The following RMDN2 variants were observed in gnomAD, a reference collection of about 807,000 sequenced individuals.
RMDN2 encodes regulator of microtubule dynamics protein 2.
RMDN2 carries 61 observed loss-of-function variants against 52.8 expected under a neutral mutation model. The observed-to-expected ratio is 1.16, with a 90% CI of 0.94 to 1.43. The LOEUF (loss-of-function observed/expected upper bound fraction) is 1.43. RMDN2 is among the 40% of genes most tolerant of loss of function. The probability of loss-of-function intolerance (pLI) is 0.00; values close to 1 mark genes in which losing one functional copy is unlikely to be tolerated. For synonymous variants in RMDN2, 180 were observed against 153.1 expected (o/e 1.18, Z -1.30); for missense variants, 592 against 475.3 (o/e 1.25, Z -2.28).
downstream of RMDN2, among the ~76,000 whole-genome samples, chr2:38,022,398 T>A (rs547079559): frequency 6.6e-6 from 1 of 152,322 alleles, no homozygotes; most frequent in African/African-American, 2.4e-5. Context: ...GAAGACAGAA[T>A]AGCTGCAGAG....
At chr2:37,939,378 G>T (rs1667585395) in intron 2 of RMDN2, among the ~76,000 whole-genome samples, 3 of 152,180 alleles carry the variant, frequency 2.0e-5, no homozygotes, top group Admixed American at 2.0e-4. Flanking sequence ...TTGATGTGTG[G>T]TGGAGAGTTC....
upstream of RMDN2, among the ~76,000 whole-genome samples, chr2:37,924,762 G>A (rs1666140944): frequency 6.6e-6 from 1 of 152,168 alleles, no homozygotes. Context: ...AAAAAACAGC[G>A]GCTTTCATCT....
chr2:37,925,511 C>G (rs777045296), intron 1 of RMDN2, 86 bp downstream of exon 1: 1 of 152,564 alleles, frequency 6.6e-6, no homozygotes. Flanking sequence ...GAAATACTTG[C>G]GGTGGGGGCG....
At chr2:38,043,559 TTC>T (rs1280381120) in intron 10 of RMDN2, among the ~76,000 whole-genome samples, 1 of 152,144 alleles carries the variant, frequency 6.6e-6, no homozygotes, top group Non-Finnish European at 1.5e-5. Flanking sequence ...TGTTCTTTGT[TTC>T]CTTTTTTCAT....
In RMDN2 at chr2:37,973,995, A is replaced by G. The variant is rs745680192; in HGVS notation, c.453-45A>G. On this transcript the variant is annotated intron_variant, in intron 2 of 10. Coordinates refer to ENST00000354545, the MANE Select transcript of RMDN2 (RefSeq NM_001170791.3). Reference sequence around the variant, plus strand: ...TTTTAAAAGGAATGCTCTGGCTATTATACTTAACTTTCAAAGGAGTTGATG... The same window carrying G: ...TTTTAAAAGGAATGCTCTGGCTATTGTACTTAACTTTCAAAGGAGTTGATG... The G allele has an allele frequency of 6.2e-6, 9 of 1,454,506 alleles. No homozygotes were observed. The East Asian group carries it at 1.9e-4, about 30-fold the overall frequency. The allele number at this position is 1,454,506 out of a possible 1,614,324, so 90.1% of individuals were successfully genotyped here.
At chr2:37,971,231 A>C (rs933722253) in intron 2 of RMDN2, among the ~76,000 whole-genome samples, 1 of 152,124 alleles carries the variant, frequency 6.6e-6, no homozygotes, top group African/African-American at 2.4e-5. Context: ...TCTTACACTT[A>C]GGTTTGATAC....
rs769241368 is a variant in RMDN2 at position 38,066,954 on chromosome 2, A to G, written c.1714-28A>G. The G allele has an allele frequency of 1.3e-5, 21 of 1,613,100 alleles. No homozygotes were observed. The East Asian group carries it at 4.5e-4, about 34-fold the overall frequency. On this transcript the variant is annotated intron_variant, in intron 10 of 10. Coordinates refer to the RMDN2 transcript ENST00000234195. ...TTCAATGCCATTTTGTGCAATTTTTACTTCTTTTCCTGTTTTCACATTAAT... is the reference window on the plus strand; with the variant it reads ...TTCAATGCCATTTTGTGCAATTTTTGCTTCTTTTCCTGTTTTCACATTAAT...
chr2:37,936,974 T>G (rs1667347154), intron 2 of RMDN2, among the ~76,000 whole-genome samples: 1 of 152,212 alleles, frequency 6.6e-6, no homozygotes, highest in Non-Finnish European at 1.5e-5. Context: ...TGCTCATGCC[T>G]ATGTCCTGAA....
At chr2:37,968,915 A>G (rs1306649785) in intron 2 of RMDN2, among the ~76,000 whole-genome samples, 1 of 152,254 alleles carries the variant, frequency 6.6e-6, no homozygotes, top group African/African-American at 2.4e-5. Context: ...TTTCTCAATA[A>G]TGCATGGATA....
intron 7 of RMDN2, among the ~76,000 whole-genome samples, chr2:37,991,511 A>G (rs145847889): frequency 2.7e-4 from 41 of 152,022 alleles, no homozygotes; most frequent in African/African-American, 8.4e-4. Context: ...TAATCTATGT[A>G]TTTTATAATT....
chr2:38,049,992 G>A (rs538299116), intron 10 of RMDN2, among the ~76,000 whole-genome samples: 1 of 152,168 alleles, frequency 6.6e-6, no homozygotes, highest in South Asian at 2.1e-4. Flanking sequence ...TAAGCTAATA[G>A]CATGTGTTAT....
chr2:37,933,057 G>C (rs1666959676), intron 2 of RMDN2, among the ~76,000 whole-genome samples: 1 of 151,748 alleles, frequency 6.6e-6, no homozygotes, highest in South Asian at 2.1e-4. Context: ...TCACTTCTCA[G>C]ATGGGGCGGT....
intron 4 of RMDN2, among the ~76,000 whole-genome samples, chr2:37,977,054 C>T (rs181809770): frequency 5.3e-5 from 8 of 152,168 alleles, no homozygotes; most frequent in Middle Eastern, 3.4e-3. Flanking sequence ...TGACTCTGAA[C>T]GAGCATGCTG....
At chr2:38,036,402 T>G (rs1374795877) in intron 10 of RMDN2, 2 of 152,364 alleles carry the variant, frequency 1.3e-5, no homozygotes, top group East Asian at 3.8e-4. Flanking sequence ...TGAGCCTTGT[T>G]TGTAACAGGC....
In RMDN2 at chr2:37,981,306, A is replaced by G. The variant is rs200616463; in HGVS notation, c.754A>G (p.Ile252Val). Residue 252 changes from isoleucine (I) to valine (V), a missense_variant, in exon 5 of 11, where the codon ATT (isoleucine) becomes GTT (valine). Ile to Val is a conservative substitution (Grantham distance 29). Transcript: ENST00000354545. The part of the protein sequence containing the change: ...NIGKTLSERA[I>V]NRAPMNGHCH... ...AGGAAAAACTTTAAGTGAAAGAGCT[A>G]TTAATAGAGCACCCATGAATGGACA... 8 of 1,606,218 alleles carry G rather than the reference A, an allele frequency of 5.0e-6. No homozygotes were observed. The highest frequency in any genetic ancestry group is 2.2e-5 in the East Asian group (1 of 44,788).
chr2:37,930,485 G>A (rs1420383048), intron 2 of RMDN2, among the ~76,000 whole-genome samples: 1 of 152,176 alleles, frequency 6.6e-6, no homozygotes, highest in East Asian at 1.9e-4. Flanking sequence ...TGACACCAGA[G>A]GGGAACCTGG....
At chr2:38,056,147 G>A (rs1017798299) in intron 10 of RMDN2, among the ~76,000 whole-genome samples, 5 of 152,162 alleles carry the variant, frequency 3.3e-5, no homozygotes, top group Admixed American at 2.6e-4. Flanking sequence ...ACTGTGCCAG[G>A]CACCCGGGAT....
chr2:37,984,694 A>G (rs187818440), intron 5 of RMDN2, among the ~76,000 whole-genome samples: 6 of 152,218 alleles, frequency 3.9e-5, no homozygotes, highest in African/African-American at 1.4e-4. Flanking sequence ...ACAGTATGAT[A>G]GTCAATGATT....
chr2:37,938,421 G>C (rs1387640607), intron 2 of RMDN2, among the ~76,000 whole-genome samples: 2 of 152,190 alleles, frequency 1.3e-5, no homozygotes, highest in Non-Finnish European at 2.9e-5. Flanking sequence ...AAATGAGTTA[G>C]GGAGGAGTCC....
Sources: gnomAD v4.1 joint callset for allele counts (sites outside exome capture counted in the v4.1 genomes callset) on GRCh38, gnomAD v4.1.1 for gene constraint, MANE v1.5 for transcripts, NCBI Gene and HGNC (gene_info 2026-07-23, HGNC 2026-07-21) for gene names.